POLD1: variants seen among roughly 807,000 people sequenced by gnomAD.
POLD1 encodes the protein DNA polymerase delta catalytic subunit.
In POLD1, 79 loss-of-function variants were observed where a neutral mutation model predicts 129.7. The ratio of observed to expected loss-of-function variants is 0.61; its 90% CI spans 0.51 to 0.73. The LOEUF (loss-of-function observed/expected upper bound fraction) is 0.73. POLD1 is among the 30% of genes least tolerant of loss of function. The probability of loss-of-function intolerance (pLI) is 0.00; values close to 1 mark genes in which losing one functional copy is unlikely to be tolerated. For missense variants in POLD1, 1,338 were observed against 1,595.8 expected (o/e 0.84, Z 2.75); for synonymous variants, 714 against 683.3 (o/e 1.04, Z -0.70).
At chr19:50,399,544 C>T (rs1460689609) in intron 3 of POLD1, 60 bp downstream of exon 3, 2 of 1,280,688 alleles carry the variant, frequency 1.6e-6, no homozygotes, top group African/African-American at 1.5e-5. Flanking sequence ...AGAGGCCGGG[C>T]CAGGTCAGCC....
At chr19:50,398,036 T>C (rs2038434356) in intron 1 of POLD1, among the ~76,000 whole-genome samples, 1 of 152,136 alleles carries the variant, frequency 6.6e-6, no homozygotes, top group African/African-American at 2.4e-5. Flanking sequence ...AGTAACAATA[T>C]GATGTGCATA....
At position 50,409,100 on chromosome 19, in the gene POLD1, AC is replaced by A. The variant is rs1033885215; in HGVS notation, c.1893-18del. 2 of 1,560,576 alleles carry A rather than the reference AC, an allele frequency of 1.3e-6. No homozygotes were observed. The highest frequency in any genetic ancestry group is 3.3e-5 in the Admixed American group (2 of 59,808). ...TGGAGCAGGAGGGTGGCCGGCAGTC[AC>A]CCCAACATCTTCCAACCCAGCCTGA... On this transcript the variant is annotated intron_variant, in intron 15 of 26. Coordinates refer to ENST00000440232, the MANE Select transcript of POLD1 (RefSeq NM_002691.4). The surrounding 1 kb of genome is among the most constrained non-coding windows in gnomAD (Gnocchi z 5.8).
At chr19:50,413,210 G>A (rs2039147656) in intron 17 of POLD1, among the ~76,000 whole-genome samples, 1 of 152,196 alleles carries the variant, frequency 6.6e-6, no homozygotes, top group Non-Finnish European at 1.5e-5. Context: ...CCAGAACTCT[G>A]AGCCAGGGAA....
chr19:50,387,585 T>A (rs2038015192), intron 1 of POLD1: 1 of 152,358 alleles, frequency 6.6e-6, no homozygotes, highest in African/African-American at 2.4e-5. Context: ...GGTGACACCG[T>A]CCCTCCCACC....
rs758535338 is a variant in POLD1, at chr19:50,403,144, G to T, written c.1062G>T (p.Ala354=). 4.5e-6 allele frequency: 7 copies of T among 1,560,906 alleles called. No individual in the cohort carries two copies. In the South Asian group the frequency reaches 5.9e-5, roughly 13 times the overall value. Residue 354 remains alanine (A), a synonymous_variant, in exon 9 of 27, where the codon GCG becomes GCT. Transcript: ENST00000440232. ...WGEPEPFLRL[A]LTLRPCAPIL... is the part of the protein sequence containing the mutation. ...AGCCGGAGCCCTTCCTACGCCTGGCGCTCACCCTGCGGCCCTGTGCCCCCA... is the reference window on the plus strand; with the variant it reads ...AGCCGGAGCCCTTCCTACGCCTGGCTCTCACCCTGCGGCCCTGTGCCCCCA...
intron 3 of POLD1, among the ~76,000 whole-genome samples, chr19:50,400,809 G>A (rs2038571233): frequency 6.7e-6 from 1 of 149,846 alleles, no homozygotes; most frequent in Non-Finnish European, 1.5e-5. Context: ...CCATTCTCCT[G>A]CCTCAGCCTC....
intron 1 of POLD1, among the ~76,000 whole-genome samples, chr19:50,390,143 A>T (rs527524759): frequency 6.4e-4 from 98 of 152,014 alleles, no homozygotes; most frequent in African/African-American, 2.3e-3. Flanking sequence ...TCTTGACCTC[A>T]GGTAATCCAC....
chr19:50,410,370 C>T (rs748406622), intron 17 of POLD1, among the ~76,000 whole-genome samples: 3 of 152,034 alleles, frequency 2.0e-5, no homozygotes, highest in Non-Finnish European at 4.4e-5. Context: ...CCTCTAGCCA[C>T]GGGGAGCTCC....
intron 9 of POLD1, 120 bp downstream of exon 9, chr19:50,403,339 G>A (rs992879168): frequency 1.1e-5 from 13 of 1,160,054 alleles, no homozygotes; most frequent in Non-Finnish European, 1.6e-5. Context: ...GGTGTCTGTG[G>A]GTCTGGGTGG....
chr19:50,413,700 G>A (rs2039171758), intron 18 of POLD1, 42 bp from the exon 19 acceptor site: 2 of 1,565,940 alleles, frequency 1.3e-6, no homozygotes, highest in Non-Finnish European at 8.6e-7. Context: ...GTTGACAGAA[G>A]GGACCCTGCT....
rs772130395 is a variant in POLD1 at position 50,413,526 on chromosome 19, G to C, written c.2250+5G>C. ...GGCTACAGCACCAGTGCCAAGGTCG[G>C]GGGCTGCCCACCGCTGCCCTGAGAT... is the stretch of plus-strand genomic sequence containing the variant. On this transcript the variant is annotated splice_donor_5th_base_variant and intron_variant, in intron 18 of 26. Coordinates refer to ENST00000440232, the MANE Select transcript of POLD1 (RefSeq NM_002691.4). The C allele has an allele frequency of 6.4e-5, 102 of 1,603,300 alleles. No individual in the cohort carries two copies. The highest frequency in any genetic ancestry group is 8.5e-5 in the Non-Finnish European group (100 of 1,174,454).
At position 50,415,790 on chromosome 19, in the gene POLD1, T is replaced by C. The variant is rs1555793164; in HGVS notation, c.2784T>C (p.Ser928=). 6.4e-7 allele frequency: 1 copy of C among 1,566,530 alleles called. No individual in the cohort carries two copies. Among genetic ancestry groups the C allele is most frequent in the South Asian group, 1.2e-5 (1 of 84,886 alleles). Residue 928 remains serine (S), a synonymous_variant, in exon 22 of 27, where the codon AGT becomes AGC. Coordinates refer to ENST00000440232, the MANE Select transcript of POLD1 (RefSeq NM_002691.4). ...ACCGCGTCCCCTACGTGATCATCAG[T>C]GCCGCCAAGGGTGTGGCCGCCTACA... ...LGDRVPYVII[S]AAKGVAAYMK...
chr19:50,396,509 G>T (rs3219356), intron 1 of POLD1, among the ~76,000 whole-genome samples: 1 of 151,322 alleles, frequency 6.6e-6, no homozygotes, highest in African/African-American at 2.4e-5. Context: ...ATGGAGTCTC[G>T]CTCTGTTGCC....
intron 26 of POLD1, 59 bp from the exon 27 acceptor site, chr19:50,417,783 T>G (rs2039385390): frequency 1.0e-6 from 1 of 953,898 alleles, no homozygotes; most frequent in African/African-American, 1.7e-5. Context: ...CCCACCCCTC[T>G]CCCAGGCTGG....
intron 5 of POLD1, 24 bp downstream of exon 5, chr19:50,402,148 G>A (rs1003914177): frequency 1.6e-5 from 26 of 1,599,210 alleles, no homozygotes; most frequent in Middle Eastern, 1.7e-4. Context: ...CAGGATCAGC[G>A]GGTTGGAGGG....
At chr19:50,401,737 C>T (rs2038637771) in intron 3 of POLD1, 41 bp from the exon 4 acceptor site, 7 of 1,606,190 alleles carry the variant, frequency 4.4e-6, no homozygotes, top group Non-Finnish European at 5.9e-6. Flanking sequence ...CTTGGAGGAC[C>T]CTGAGAGGCA....
In POLD1 at chr19:50,406,944, C is replaced by A; in HGVS notation, c.1495-39C>A. 6.7e-7 allele frequency: 1 copy of A among 1,496,732 alleles called. No individual in the cohort carries two copies. The highest frequency in any genetic ancestry group is 9.1e-7 in the Non-Finnish European group (1 of 1,104,918). 92.7% of individuals were successfully genotyped at this position (1,496,732 alleles called of 1,614,324 possible). A position where few individuals can be genotyped will look rare whatever the true frequency, so the allele number is the denominator to read the frequency against. On this transcript the variant is annotated intron_variant, in intron 12 of 26. Transcript: ENST00000440232. The surrounding 1 kb of genome is among the most constrained non-coding windows in gnomAD (Gnocchi z 5.5). ...CTTCTCCTGCTCCACCTCCCACCCC[C>A]AACCCCTGGTCCCTGACCCCATCCG...
At position 50,416,479 on chromosome 19, in the gene POLD1, C is replaced by T. The variant is rs1057523791; in HGVS notation, c.2904C>T (p.Arg968=). Residue 968 remains arginine, a synonymous_variant, in exon 23 of 27, where the codon CGC becomes CGT. Coordinates refer to ENST00000440232, the MANE Select transcript of POLD1 (RefSeq NM_002691.4). ...LEQQLAKPLL[R]IFEPILGEGR... ...AGCAGCTGGCCAAGCCCCTCCTGCG[C>T]ATCTTCGAGCCCATCCTGGGCGAGG... The T allele has an allele frequency of 1.3e-6, 2 of 1,551,622 alleles. No individual in the cohort carries two copies. The highest frequency in any genetic ancestry group is 1.7e-6 in the Non-Finnish European group (2 of 1,148,208).
At chr19:50,386,716 A>G (rs1030358898) in intron 1 of POLD1, among the ~76,000 whole-genome samples, 5 of 152,154 alleles carry the variant, frequency 3.3e-5, no homozygotes, top group African/African-American at 1.2e-4. Flanking sequence ...GTGCTGGGTG[A>G]TGCTAAGGTC....
Sources: gnomAD v4.1 joint callset for allele counts (sites outside exome capture counted in the v4.1 genomes callset) on GRCh38, gnomAD v4.1.1 for gene constraint, Gnocchi (gnomAD v3.1) non-coding constraint, MANE v1.5 for transcripts, NCBI Gene and HGNC (gene_info 2026-07-23, HGNC 2026-07-21) for gene names.